Variants in ROCK2 observed in about 807,000 individuals in gnomAD.
ROCK2 encodes Rho associated coiled-coil containing protein kinase 2, also known as rho-associated protein kinase 2.
In ROCK2, 61 loss-of-function variants were observed where a neutral mutation model predicts 195.1. The observed-to-expected ratio is 0.31, with a 90% CI of 0.25 to 0.39. The LOEUF is 0.39. ROCK2 is among the 10% of genes least tolerant of loss of function. The probability of loss-of-function intolerance (pLI) is 1.00; values close to 1 mark genes in which losing one functional copy is unlikely to be tolerated. For synonymous variants in ROCK2, 504 were observed against 545.5 expected (o/e 0.92, Z 1.06); for missense variants, 1,109 against 1,637.4 (o/e 0.68, Z 5.57).
chr2:11,255,437 G>A (rs1037181268), intron 3 of ROCK2, among the ~76,000 whole-genome samples: 2 of 150,174 alleles, frequency 1.3e-5, no homozygotes, highest in Non-Finnish European at 2.9e-5. Context: ...TACTAGATAG[G>A]CAAAAAGGAA....
intron 9 of ROCK2, 55 bp downstream of exon 9, chr2:11,221,143 A>G: frequency 7.5e-7 from 1 of 1,325,076 alleles, no homozygotes; most frequent in Non-Finnish European, 1.0e-6. Context: ...ATAACACATC[A>G]TCTTATAGCT....
chr2:11,327,289 G>A lies in ROCK2; in HGVS notation c.141+16707C>T, dbSNP rs574313631. Among the ~76,000 whole-genome samples the A allele has an allele frequency of 2.0e-5, 3 of 152,330 alleles. No homozygotes were observed. In the South Asian group the frequency reaches 6.2e-4, roughly 32 times the overall value. ...TGTCAAGGAACTACAGATCTCAAAA[G>A]TTTACAGTCAGAGCCAGGACAGTGT... On this transcript the variant is annotated intron_variant, in intron 1 of 32. Transcript: ENST00000315872.
intron 5 of ROCK2, among the ~76,000 whole-genome samples, chr2:11,229,563 C>CAA (rs200491599): frequency 1.1e-4 from 9 of 84,792 alleles, no homozygotes; most frequent in African/African-American, 3.8e-4. Context: ...TTCACGTATC[C>CAA]AAAAAAAAAA....
intron 3 of ROCK2, among the ~76,000 whole-genome samples, chr2:11,268,949 A>G (rs1406985655): frequency 6.6e-6 from 1 of 152,064 alleles, no homozygotes; most frequent in East Asian, 1.9e-4. Flanking sequence ...TTCACTTTTC[A>G]ATCTGTTTTC....
chr2:11,299,061 G>T (rs904975901), intron 1 of ROCK2, among the ~76,000 whole-genome samples: 1 of 151,774 alleles, frequency 6.6e-6, no homozygotes, highest in South Asian at 2.1e-4. Flanking sequence ...GAAGTCAGGA[G>T]TTTGAGGCCA....
chr2:11,283,498 T>C (rs2148187960), intron 3 of ROCK2, among the ~76,000 whole-genome samples: 1 of 145,730 alleles, frequency 6.9e-6, no homozygotes, highest in Non-Finnish European at 1.5e-5. Flanking sequence ...GAAGCGGAGC[T>C]TGCAGTGAGC....
intron 1 of ROCK2, among the ~76,000 whole-genome samples, chr2:11,332,947 T>C (rs1441063540): frequency 1.3e-5 from 2 of 152,188 alleles, no homozygotes; most frequent in Non-Finnish European, 2.9e-5. Flanking sequence ...TCCACTTATA[T>C]GGAATTTACA....
At chr2:11,274,905 TACATACA>T (rs1196393562) in intron 3 of ROCK2, among the ~76,000 whole-genome samples, 14 of 152,330 alleles carry the variant, frequency 9.2e-5, no homozygotes, top group Admixed American at 8.5e-4. Flanking sequence ...TTTTTTCCTA[TACATACA>T]TATCTATGAT....
intron 18 of ROCK2, among the ~76,000 whole-genome samples, chr2:11,209,964 A>G (rs1546598): frequency 6.6e-6 from 1 of 151,996 alleles, no homozygotes; most frequent in African/African-American, 2.4e-5. Context: ...GAAACAAGAC[A>G]CAGAAAGTTT....
chr2:11,319,325 T>G (rs1032505013), intron 1 of ROCK2, among the ~76,000 whole-genome samples: 1 of 152,216 alleles, frequency 6.6e-6, no homozygotes, highest in African/African-American at 2.4e-5. Flanking sequence ...TTCACATCCC[T>G]TGTAAGTTGG....
At chr2:11,210,897 T>C (rs1413788081) in intron 18 of ROCK2, among the ~76,000 whole-genome samples, 1 of 152,194 alleles carries the variant, frequency 6.6e-6, no homozygotes, top group Admixed American at 6.5e-5. Context: ...ACTAAGAAAA[T>C]CTACCATTTT....
intron 1 of ROCK2, among the ~76,000 whole-genome samples, chr2:11,337,937 C>G (rs1341336722): frequency 6.6e-6 from 1 of 152,170 alleles, no homozygotes; most frequent in Non-Finnish European, 1.5e-5. Context: ...GCCACCATGC[C>G]TGGCCATCAG....
chr2:11,259,936 T>C (rs190552930), intron 3 of ROCK2, among the ~76,000 whole-genome samples: 29 of 151,448 alleles, frequency 1.9e-4, no homozygotes, highest in Admixed American at 1.5e-3. Context: ...GTAAAATTTA[T>C]AGAATACTGA....
chr2:11,247,782 G>A (rs751063016), intron 4 of ROCK2, among the ~76,000 whole-genome samples: 2 of 152,168 alleles, frequency 1.3e-5, no homozygotes, highest in Admixed American at 6.5e-5. Context: ...CACTTTGGGG[G>A]GCCAAGGCAG....
chr2:11,282,879 T>C (rs1029597815), intron 3 of ROCK2, among the ~76,000 whole-genome samples: 2 of 152,058 alleles, frequency 1.3e-5, no homozygotes, highest in Non-Finnish European at 2.9e-5. Flanking sequence ...CCAAAAGAAT[T>C]TGTTATACAA....
chr2:11,239,476 A>G (rs923188027), intron 4 of ROCK2, among the ~76,000 whole-genome samples: 5 of 152,232 alleles, frequency 3.3e-5, no homozygotes, highest in African/African-American at 9.6e-5. Flanking sequence ...AATGTCTTAC[A>G]AAGTTAAACA....
At chr2:11,187,517 T>C (rs1663240309) in intron 32 of ROCK2, among the ~76,000 whole-genome samples, 1 of 152,202 alleles carries the variant, frequency 6.6e-6, no homozygotes, top group South Asian at 2.1e-4. Flanking sequence ...ACTACTGTAA[T>C]CAGGCTGATC....
chr2:11,300,853 GC>G (rs1057027966), intron 1 of ROCK2, among the ~76,000 whole-genome samples: 15 of 151,316 alleles, frequency 9.9e-5, no homozygotes, highest in Non-Finnish European at 1.8e-4. Context: ...CTACTAAGGT[GC>G]AAAAAAAAAA....
Position 11,215,308 on chromosome 2 carries a change from T to C in ROCK2, c.1689+13A>G, listed in dbSNP as rs1200988678. On this transcript the variant is annotated intron_variant, in intron 15 of 32. Transcript: ENST00000315872. ...AAAACCCAGTATCTTTACTACAAAT[T>C]AGATCCACCTACTTGTCTCTGGAGT... is the stretch of plus-strand genomic sequence containing the variant. 6.4e-7 allele frequency: 1 copy of C among 1,564,674 alleles called. No homozygotes were observed.
Sources: allele counts gnomAD v4.1 joint callset (sites outside exome capture counted in the v4.1 genomes callset), GRCh38; gene constraint gnomAD v4.1.1; transcripts MANE v1.5; gene names NCBI Gene and HGNC (gene_info 2026-07-23, HGNC 2026-07-21).